RGL1: variants seen among roughly 807,000 people sequenced by gnomAD.
RGL1 encodes the protein ral guanine nucleotide dissociation stimulator like 1.
In RGL1, 24 loss-of-function variants were observed where a neutral mutation model predicts 95.2. That is an observed-to-expected ratio of 0.25 (90% confidence interval 0.18 to 0.35). The LOEUF (loss-of-function observed/expected upper bound fraction) is 0.35, where lower values mean the gene tolerates loss of function less well. Ranked by LOEUF, RGL1 falls within the 10% of genes least tolerant of loss-of-function variation. RGL1 has a pLI of 1.00. For missense variants in RGL1, 715 were observed against 936.3 expected (o/e 0.76, Z 3.08); for synonymous variants, 329 against 344.9 (o/e 0.95, Z 0.51).
intron 2 of RGL1, among the ~76,000 whole-genome samples, chr1:183,827,107 G>C (rs1245462998): frequency 6.6e-6 from 1 of 152,130 alleles, no homozygotes; most frequent in African/African-American, 2.4e-5. Context: ...GTTTTTAATA[G>C]AGTCAGGGTT....
chr1:183,838,249 T>A (rs1233615528), intron 2 of RGL1, among the ~76,000 whole-genome samples: 1 of 152,148 alleles, frequency 6.6e-6, no homozygotes, highest in Non-Finnish European at 1.5e-5. Context: ...GAAGATAGAA[T>A]CTGTTATGGA....
At chr1:183,838,015 T>C (rs547072053) in intron 2 of RGL1, among the ~76,000 whole-genome samples, 2 of 152,326 alleles carry the variant, frequency 1.3e-5, no homozygotes, top group South Asian at 2.1e-4. Context: ...TAACAGGCCA[T>C]AGACTGCTAC....
intron 16 of RGL1, 76 bp downstream of exon 16, chr1:183,916,777 A>T: frequency 6.7e-7 from 1 of 1,488,610 alleles, no homozygotes; most frequent in Non-Finnish European, 9.1e-7. Context: ...GCTCAGACTA[A>T]TAGCCCTAAA....
chr1:183,834,701 T>C (rs1203741835), intron 2 of RGL1, among the ~76,000 whole-genome samples: 1 of 152,188 alleles, frequency 6.6e-6, no homozygotes, highest in Non-Finnish European at 1.5e-5. Flanking sequence ...ATTTTTTTTA[T>C]TTTTAGAGAC....
At chr1:183,640,838 T>C (rs1649874794) in intron 1 of RGL1, among the ~76,000 whole-genome samples, 1 of 152,054 alleles carries the variant, frequency 6.6e-6, no homozygotes, top group African/African-American at 2.4e-5. Context: ...AGTGCTGGGC[T>C]CTTCTGCTTT....
intron 4 of RGL1, among the ~76,000 whole-genome samples, chr1:183,870,071 A>G (rs1666074992): frequency 6.6e-6 from 1 of 152,148 alleles, no homozygotes; most frequent in Admixed American, 6.5e-5. Context: ...CGAACCCTAA[A>G]AGCATGCCAA....
intron 2 of RGL1, among the ~76,000 whole-genome samples, chr1:183,769,391 T>C (rs1310243623): frequency 1.3e-5 from 2 of 152,200 alleles, no homozygotes; most frequent in Non-Finnish European, 2.9e-5. Flanking sequence ...CAGACAAAAA[T>C]GTATGCTGAC....
chr1:183,673,667 G>A (rs1652629160), intron 1 of RGL1, among the ~76,000 whole-genome samples: 1 of 152,192 alleles, frequency 6.6e-6, no homozygotes, highest in Admixed American at 6.5e-5. Context: ...TAGAATCTTT[G>A]TTATATTTAA....
chr1:183,829,276 T>C (rs1434742304), intron 2 of RGL1, among the ~76,000 whole-genome samples: 1 of 151,886 alleles, frequency 6.6e-6, no homozygotes, highest in South Asian at 2.1e-4. Flanking sequence ...CTCGTCTCTA[T>C]GAAAAAAATA....
chr1:183,800,318 A>G (rs1302006298), upstream of RGL1, among the ~76,000 whole-genome samples: 1 of 152,244 alleles, frequency 6.6e-6, no homozygotes, highest in East Asian at 1.9e-4. Flanking sequence ...GACAGACTCT[A>G]TTAAAGAATC....
chr1:183,846,044 T>A (rs536889649), intron 2 of RGL1, among the ~76,000 whole-genome samples: 1 of 152,358 alleles, frequency 6.6e-6, no homozygotes, highest in African/African-American at 2.4e-5. Context: ...CATTACTGGG[T>A]ATATACCCAA....
At chr1:183,897,723 G>A (rs1208401141) in intron 9 of RGL1, 85 bp from the exon 10 acceptor site, 3 of 940,972 alleles carry the variant, frequency 3.2e-6, no homozygotes, top group Non-Finnish European at 5.1e-6. Flanking sequence ...ATGCAGGGTT[G>A]TGTGCGAGAA....
At chr1:183,845,791 C>T (rs940921004) in intron 2 of RGL1, among the ~76,000 whole-genome samples, 1 of 152,146 alleles carries the variant, frequency 6.6e-6, no homozygotes, top group African/African-American at 2.4e-5. Flanking sequence ...GCCAGTTTTT[C>T]AAGCTATCAA....
At chr1:183,657,390 T>C (rs1651250695) in intron 1 of RGL1, among the ~76,000 whole-genome samples, 1 of 152,222 alleles carries the variant, frequency 6.6e-6, no homozygotes, top group Admixed American at 6.5e-5. Flanking sequence ...GCTGCACCCA[T>C]TAACTTGTCA....
At chr1:183,892,254 A>G (rs930201963) in intron 9 of RGL1, 93 bp downstream of exon 9, 2 of 884,726 alleles carry the variant, frequency 2.3e-6, no homozygotes, top group Non-Finnish European at 3.4e-6. Context: ...AAGTTCCTTC[A>G]ACTCCAAAGA....
rs559139310 is a variant in RGL1 at position 183,700,905 on chromosome 1, T to C, written c.-32-41221T>C. Among the ~76,000 whole-genome samples, 14 of 152,134 alleles carry C rather than the reference T, an allele frequency of 9.2e-5. 1 individual carries two copies. The highest frequency in any genetic ancestry group is 7.9e-4 in the Admixed American group (12 of 15,280). ...TTTGTCCTAATGCTCTCCCTTTCCT[T>C]CCCCCTGAGCCCCTGACAGGCCCCG... On this transcript the variant is annotated intron_variant, in intron 1 of 18. Transcript: ENST00000304685.
chr1:183,661,135 A>G (rs1211304436), intron 1 of RGL1, among the ~76,000 whole-genome samples: 1 of 152,186 alleles, frequency 6.6e-6, no homozygotes, highest in East Asian at 1.9e-4. Flanking sequence ...CCCTAACATC[A>G]CAATTAAAAG....
intron 2 of RGL1, among the ~76,000 whole-genome samples, chr1:183,845,595 C>T (rs1664366479): frequency 6.6e-6 from 1 of 152,062 alleles, no homozygotes; most frequent in African/African-American, 2.4e-5. Context: ...GGTCATACAC[C>T]CACCCACCCT....
At chr1:183,676,306 T>C (rs1461167857) in intron 1 of RGL1, among the ~76,000 whole-genome samples, 1 of 152,156 alleles carries the variant, frequency 6.6e-6, no homozygotes, top group Non-Finnish European at 1.5e-5. Flanking sequence ...TAACTATGTA[T>C]GTGCACTGTA....
Sources: gnomAD v4.1 joint callset for allele counts (sites outside exome capture counted in the v4.1 genomes callset) on GRCh38, gnomAD v4.1.1 for gene constraint, MANE v1.5 for transcripts, NCBI Gene and HGNC (gene_info 2026-07-23, HGNC 2026-07-21) for gene names.